CEP135: variants seen among roughly 807,000 people sequenced by gnomAD.
CEP135 encodes the protein centrosomal protein 135.
In CEP135, 142 loss-of-function variants were observed where a neutral mutation model predicts 157.3. The ratio of observed to expected loss-of-function variants is 0.90; its 90% confidence interval spans 0.79 to 1.04. The LOEUF is 1.04. Among genes scored for constraint, CEP135 ranks in the 50% least tolerant of loss-of-function variants. The pLI, the probability that CEP135 is intolerant of heterozygous loss-of-function variation, is 0.00. For synonymous variants in CEP135, 396 were observed against 439.8 expected (o/e 0.90, Z 1.25); for missense variants, 1,317 against 1,309.2 (o/e 1.01, Z -0.09).
At chr4:56,024,899 A>T (rs1194669154) in intron 25 of CEP135, among the ~76,000 whole-genome samples, 1 of 148,712 alleles carries the variant, frequency 6.7e-6, no homozygotes, top group Non-Finnish European at 1.5e-5. Flanking sequence ...CACTTTGGGG[A>T]GGCTGAGGCT....
At chr4:56,028,055 A>G (rs1375885639) in intron 25 of CEP135, among the ~76,000 whole-genome samples, 1 of 152,168 alleles carries the variant, frequency 6.6e-6, no homozygotes, top group Non-Finnish European at 1.5e-5. Context: ...GGCTTATTTC[A>G]CTTAGAATAA....
At position 55,974,916 on chromosome 4, in the gene CEP135, T is replaced by G; in HGVS notation, c.1420T>G (p.Ser474Ala). Residue 474 changes from serine (S) to alanine (A), a missense_variant, in exon 11 of 26, where the codon TCT (serine) becomes GCT (alanine). Physicochemically the swap from Ser to Ala is moderately conservative, Grantham distance 99. Coordinates refer to ENST00000257287, the MANE Select transcript of CEP135 (RefSeq NM_025009.5). ...LQHIIQRRSC[S>A]TSYSAREKSS... The stretch of plus-strand genomic sequence containing the variant: ...ACATATAATACAGCGAAGATCTTGC[T>G]CTACAAGTTATAGCGCACGTGAAAA... 1.2e-6 allele frequency: 2 copies of G among 1,612,700 alleles called. No homozygotes were observed. The highest frequency in any genetic ancestry group is 1.7e-6 in the Non-Finnish European group (2 of 1,179,220).
intron 5 of CEP135, among the ~76,000 whole-genome samples, chr4:55,959,206 A>G (rs906773154): frequency 6.6e-6 from 1 of 152,208 alleles, no homozygotes; most frequent in African/African-American, 2.4e-5. Flanking sequence ...ATTCTGTTGG[A>G]ATTAACAAGT....
At chr4:56,019,142 C>T (rs1730883237) in intron 22 of CEP135, among the ~76,000 whole-genome samples, 1 of 152,042 alleles carries the variant, frequency 6.6e-6, no homozygotes, top group African/African-American at 2.4e-5. Context: ...ATCCTATAGC[C>T]AAATAAGCCC....
intron 13 of CEP135, among the ~76,000 whole-genome samples, chr4:55,984,300 T>G (rs1158216556): frequency 6.6e-6 from 1 of 152,216 alleles, no homozygotes; most frequent in Non-Finnish European, 1.5e-5. Flanking sequence ...CCTTCACATC[T>G]TCCACTCTTC....
chr4:55,968,834 A>G (rs1029272016), intron 8 of CEP135, among the ~76,000 whole-genome samples: 4 of 152,222 alleles, frequency 2.6e-5, no homozygotes, highest in African/African-American at 4.8e-5. Flanking sequence ...AAGATGCTCA[A>G]GTGGCCTTCT....
chr4:55,988,393 C>T (rs1729670762), intron 14 of CEP135, among the ~76,000 whole-genome samples: 1 of 152,184 alleles, frequency 6.6e-6, no homozygotes, highest in Non-Finnish European at 1.5e-5. Flanking sequence ...GGCATGATGG[C>T]TTACGCTTGT....
chr4:56,005,882 T>A (rs1288501564), intron 17 of CEP135, among the ~76,000 whole-genome samples: 1 of 152,208 alleles, frequency 6.6e-6, no homozygotes, highest in African/African-American at 2.4e-5. Context: ...TATGGCAGTT[T>A]TTTTCTTTTA....
intron 6 of CEP135, chr4:55,959,985 G>T (rs1419533370): frequency 1.2e-5 from 7 of 599,156 alleles, no homozygotes; most frequent in Non-Finnish European, 2.0e-5. Flanking sequence ...AAGTGTGGTG[G>T]CATGTGCCTA....
chr4:56,018,736 G>A (rs1027906801), intron 22 of CEP135, among the ~76,000 whole-genome samples: 2 of 151,936 alleles, frequency 1.3e-5, no homozygotes, highest in Non-Finnish European at 2.9e-5. Context: ...CTCCAGCTTG[G>A]GCAACAGAGT....
At chr4:56,024,650 C>A in intron 25 of CEP135, 36 bp downstream of exon 25, 2 of 1,368,588 alleles carry the variant, frequency 1.5e-6, no homozygotes, top group African/African-American at 1.4e-5. Context: ...CAAAACTAAT[C>A]TGTGGTTGTA....
At position 55,965,854 on chromosome 4, in the gene CEP135, G is replaced by A; in HGVS notation, c.1039G>A (p.Ala347Thr). 1 of 1,611,224 alleles carries A rather than the reference G, an allele frequency of 6.2e-7. No individual in the cohort carries two copies. The highest frequency in any genetic ancestry group is 2.2e-5 in the East Asian group (1 of 44,764). The change falls in exon 8 of 26, where the codon GCA (alanine) becomes ACA (threonine). Residue 347 changes from alanine to threonine, a missense_variant. Physicochemically the swap from Ala to Thr is moderately conservative, Grantham distance 58. Transcript: ENST00000257287. ...LETADKELGEAKKEIKRKLSE... is the reference protein window; with the variant it reads ...LETADKELGETKKEIKRKLSE... ...GACTGCTGATAAAGAGCTTGGGGAA[G>A]CAAAGGTAATGAATGATATGTGTAG...
rs866500333 is a variant in CEP135 at position 56,028,964 on chromosome 4, G to A, written c.*12-2396G>A. ...ATGCCAATAGCAAGTCCCAGGTTGT[G>A]ATCTGTGCTTCTGACTGAAGAGGTT... On this transcript the variant is annotated intron_variant, in intron 25 of 25. Coordinates refer to ENST00000257287, the MANE Select transcript of CEP135 (RefSeq NM_025009.5). 1.1e-4 allele frequency among the ~76,000 whole-genome samples: 16 copies of A among 152,290 alleles called. 1 individual carries two copies. The highest frequency in any genetic ancestry group is 6.8e-3 in the Middle Eastern group (2 of 294).
intron 3 of CEP135, 128 bp from the exon 4 acceptor site, chr4:55,954,088 A>C (rs185936243): frequency 1.4e-6 from 1 of 731,782 alleles, no homozygotes; most frequent in Admixed American, 3.4e-5. Context: ...ATAAGTGTCA[A>C]CTAAAGCATG....
chr4:55,956,792 T>A (rs773453919), intron 4 of CEP135, among the ~76,000 whole-genome samples: 2 of 152,194 alleles, frequency 1.3e-5, no homozygotes, highest in African/African-American at 4.8e-5. Flanking sequence ...TTTGTATTTT[T>A]AGTAGAGACG....
intron 25 of CEP135, among the ~76,000 whole-genome samples, chr4:56,025,270 C>A (rs577893119): frequency 6.6e-6 from 1 of 152,260 alleles, no homozygotes; most frequent in Non-Finnish European, 1.5e-5. Context: ...CTGGTCCATG[C>A]ATTTTATCGT....
Position 56,001,760 on chromosome 4 carries a change from A to ATT in CEP135, c.2280+2123_2280+2124dup, listed in dbSNP as rs34047087. ...TTTAGTGGTTCCAATTTATTTGAGG[A>ATT]TTTTTTTTTCTATATCTGTGAGAAA... On this transcript the variant is annotated intron_variant, in intron 17 of 25. Coordinates refer to ENST00000257287, the MANE Select transcript of CEP135 (RefSeq NM_025009.5). Among the ~76,000 whole-genome samples, 561 of 151,290 alleles carry ATT rather than the reference A, an allele frequency of 3.7e-3. 3 individuals are homozygous for ATT. The highest frequency in any genetic ancestry group is 0.012 in the African/African-American group (508 of 41,242).
At chr4:55,988,531 G>GTGAGGT (rs1560411329) in intron 14 of CEP135, among the ~76,000 whole-genome samples, 1 of 151,962 alleles carries the variant, frequency 6.6e-6, no homozygotes, top group Non-Finnish European at 1.5e-5. Context: ...GAGGTGGCAC[G>GTGAGGT]CGCCTGTAGT....
Position 55,953,247 on chromosome 4 carries a change from G to C in CEP135, c.276G>C (p.Leu92=). 6.4e-7 allele frequency: 1 copy of C among 1,562,140 alleles called. No individual in the cohort carries two copies. The highest frequency in any genetic ancestry group is 1.2e-5 in the South Asian group (1 of 82,380). The change falls in exon 3 of 26, where the codon CTG becomes CTC. Residue 92 remains leucine (L), a synonymous_variant. Transcript: ENST00000257287. Reference sequence around the variant, plus strand: ...AATTATACCTAGAGTTAATGAAACTGAGAGAACATTCAGACCAACACGTTA... The same window carrying C: ...AATTATACCTAGAGTTAATGAAACTCAGAGAACATTCAGACCAACACGTTA... ...NNELYLELMK[L]REHSDQHVKE...
Sources: allele counts gnomAD v4.1 joint callset (sites outside exome capture counted in the v4.1 genomes callset), GRCh38; gene constraint gnomAD v4.1.1; transcripts MANE v1.5; gene names NCBI Gene and HGNC (gene_info 2026-07-23, HGNC 2026-07-21).